The following MON2 variants were observed in gnomAD, a reference collection of about 807,000 sequenced individuals.
MON2 encodes MON2 regulator of endosome-to-Golgi trafficking, also known as protein MON2 homolog.
Under a neutral mutation model 208.6 loss-of-function variants are expected in MON2, and 84 were observed. That is an observed-to-expected ratio of 0.40 (90% confidence interval 0.34 to 0.48). The LOEUF (loss-of-function observed/expected upper bound fraction) is 0.48. MON2 is among the 20% of genes least tolerant of loss of function. The pLI is 0.59. For missense variants in MON2, 1,611 were observed against 2,015.4 expected (o/e 0.80, Z 3.84); for synonymous variants, 660 against 694.0 (o/e 0.95, Z 0.77).
chr12:62,536,323 CTTGT>C (rs1184491627), intron 14 of MON2, among the ~76,000 whole-genome samples: 1 of 151,786 alleles, frequency 6.6e-6, no homozygotes, highest in Non-Finnish European at 1.5e-5. Context: ...TTTAAGAATA[CTTGT>C]TTGTTACATG....
chr12:62,581,517 T>TTAA (rs1419552211), intron 32 of MON2, among the ~76,000 whole-genome samples: 1 of 152,110 alleles, frequency 6.6e-6, no homozygotes. Flanking sequence ...TACCACTGCA[T>TTAA]TTTAGAGTGC....
chr12:62,552,534 G>GT lies in MON2; in HGVS notation c.2917-338dup, dbSNP rs919337775. The stretch of plus-strand genomic sequence containing the variant: ...TTGTTAGGGTGATAATGATATTATA[G>GT]TTTTTTTTTATAGTTAACAGTTGTT... On this transcript the variant is annotated intron_variant, in intron 23 of 34. Transcript: ENST00000393630. 7.3e-5 allele frequency among the ~76,000 whole-genome samples: 11 copies of GT among 150,934 alleles called. 1 individual carries two copies. The highest frequency in any genetic ancestry group is 4.2e-4 in the South Asian group (2 of 4,786).
intron 1 of MON2, chr12:62,482,824 TA>T (rs2069525056): frequency 6.6e-6 from 1 of 151,992 alleles, no homozygotes; most frequent in African/African-American, 2.4e-5. Flanking sequence ...TTGAGGCCAG[TA>T]GTTCAAGACT....
chr12:62,569,035 T>C (rs1434209589), intron 29 of MON2, among the ~76,000 whole-genome samples: 1 of 152,174 alleles, frequency 6.6e-6, no homozygotes, highest in Non-Finnish European at 1.5e-5. Context: ...CATTGTTTTG[T>C]GGTTAATTGG....
chr12:62,523,033 C>G (rs1224406937), intron 8 of MON2, among the ~76,000 whole-genome samples: 3 of 152,176 alleles, frequency 2.0e-5, no homozygotes, highest in Non-Finnish European at 4.4e-5. Flanking sequence ...ATTCTTGCCT[C>G]AAAGCTTAGC....
chr12:62,588,202 C>G (rs556178617), intron 34 of MON2, 46 bp downstream of exon 34: 100 of 1,300,436 alleles, frequency 7.7e-5, no homozygotes, highest in South Asian at 4.3e-4. Context: ...CATTTATGTT[C>G]TATTTGTGAT....
chr12:62,563,004 C>G (rs1433687010), intron 26 of MON2, among the ~76,000 whole-genome samples: 1 of 152,122 alleles, frequency 6.6e-6, no homozygotes, highest in Admixed American at 6.6e-5. Context: ...TACTGTAAGT[C>G]CTGAAGTCAG....
chr12:62,557,962 A>ATATATATAT (rs1364201663), intron 25 of MON2, among the ~76,000 whole-genome samples: 4 of 20,868 alleles, frequency 1.9e-4, no homozygotes, highest in African/African-American at 3.2e-4. Flanking sequence ...ATATATATAT[A>ATATATATAT]TTTTTTTTTT....
intron 4 of MON2, among the ~76,000 whole-genome samples, chr12:62,496,742 A>C (rs974707322): frequency 1.3e-5 from 2 of 152,236 alleles, no homozygotes; most frequent in Non-Finnish European, 2.9e-5. Context: ...GACTATATAA[A>C]GAACTCTTAA....
intron 28 of MON2, 62 bp downstream of exon 28, chr12:62,566,093 G>C: frequency 6.6e-7 from 1 of 1,523,650 alleles, no homozygotes; most frequent in Non-Finnish European, 9.0e-7. Context: ...CATCTTTCCC[G>C]GTTCTTGGTA....
chr12:62,581,151 C>G (rs2074990174), intron 32 of MON2, among the ~76,000 whole-genome samples: 1 of 152,228 alleles, frequency 6.6e-6, no homozygotes, highest in Admixed American at 6.5e-5. Context: ...CTACATGCTT[C>G]TTTTCATTAT....
chr12:62,585,253 A>T (rs1393424438), intron 32 of MON2, 41 bp from the exon 33 acceptor site: 5 of 1,475,214 alleles, frequency 3.4e-6, no homozygotes, highest in Non-Finnish European at 4.7e-6. Context: ...AAGCTCATTG[A>T]TTTAACTTCT....
chr12:62,494,148 G>C (rs978256919), intron 3 of MON2, 106 bp downstream of exon 3: 1 of 1,057,544 alleles, frequency 9.5e-7, no homozygotes, highest in African/African-American at 1.6e-5. Flanking sequence ...TTTACAAATA[G>C]CAATGTGCTC....
intron 30 of MON2, among the ~76,000 whole-genome samples, chr12:62,571,866 T>C (rs1208483099): frequency 6.6e-6 from 1 of 152,254 alleles, no homozygotes; most frequent in Admixed American, 6.5e-5. Context: ...CTAAGAAGAT[T>C]CAGTTTTTAA....
intron 1 of MON2, among the ~76,000 whole-genome samples, chr12:62,475,365 T>C (rs1377860133): frequency 6.6e-6 from 1 of 151,986 alleles, no homozygotes; most frequent in African/African-American, 2.4e-5. Context: ...GCCTCCAAAG[T>C]GGCTGGGATT....
intron 7 of MON2, among the ~76,000 whole-genome samples, chr12:62,505,539 AG>A (rs1175418602): frequency 6.6e-6 from 1 of 152,120 alleles, no homozygotes; most frequent in Non-Finnish European, 1.5e-5. Flanking sequence ...AAAAGGCAAA[AG>A]CAAAGAAAGT....
chr12:62,585,228 G>A, intron 32 of MON2, 66 bp from the exon 33 acceptor site: 2 of 1,273,332 alleles, frequency 1.6e-6, no homozygotes, highest in South Asian at 2.6e-5. Context: ...AGTTTGCTAA[G>A]CATTGTTATC....
intron 8 of MON2, among the ~76,000 whole-genome samples, chr12:62,523,425 G>T (rs976287597): frequency 1.3e-5 from 2 of 152,144 alleles, no homozygotes; most frequent in African/African-American, 4.8e-5. Context: ...TCCTGATCTA[G>T]TTCCTTTAAA....
intron 25 of MON2, among the ~76,000 whole-genome samples, chr12:62,556,862 G>A (rs1445796033): frequency 6.6e-6 from 1 of 152,112 alleles, no homozygotes; most frequent in Non-Finnish European, 1.5e-5. Context: ...GATAGCTTGA[G>A]CCCAGGAGTT....
Sources: gnomAD v4.1 joint callset for allele counts (sites outside exome capture counted in the v4.1 genomes callset) on GRCh38, gnomAD v4.1.1 for gene constraint, MANE v1.5 for transcripts, NCBI Gene and HGNC (gene_info 2026-07-23, HGNC 2026-07-21) for gene names.